Variants in ARHGAP8 observed in about 807,000 individuals in gnomAD.
The protein encoded by ARHGAP8 is rho GTPase-activating protein 8.
A neutral mutation model predicts 46.1 loss-of-function variants in ARHGAP8; 62 were observed. The ratio of observed to expected loss-of-function variants is 1.34; its 90% CI spans 1.10 to 1.66. The LOEUF (loss-of-function observed/expected upper bound fraction) is 1.66. Ranked by LOEUF, ARHGAP8 falls within the 40% of genes most tolerant of loss-of-function variation. The probability of loss-of-function intolerance (pLI) is 0.00; values close to 1 mark genes in which losing one functional copy is unlikely to be tolerated. For missense variants in ARHGAP8, 923 were observed against 568.4 expected, an observed-to-expected ratio of 1.62 and a Z score of -6.34; for synonymous variants, 375 against 243.1, an observed-to-expected ratio of 1.54 and a Z score of -5.05.
intron 1 of ARHGAP8, among the ~76,000 whole-genome samples, chr22:44,764,992 G>A (rs1031657967): frequency 6.6e-6 from 1 of 152,190 alleles, no homozygotes; most frequent in African/African-American, 2.4e-5. Context: ...TCCCATCAGT[G>A]GTTTTTGAGG....
chr22:44,846,511 AT>A (rs1023560510), intron 8 of ARHGAP8, among the ~76,000 whole-genome samples: 8 of 152,134 alleles, frequency 5.3e-5, no homozygotes, highest in Admixed American at 1.3e-4. Flanking sequence ...CGGCCCCAGC[AT>A]TTCCCTCAGT....
At chr22:44,810,236 CTTTTTTTTTTT>C (rs58029838) in intron 4 of ARHGAP8, among the ~76,000 whole-genome samples, 1 of 98,870 alleles carries the variant, frequency 1.0e-5, no homozygotes, top group South Asian at 3.8e-4. Context: ...ATATGGCAGC[CTTTTTTTTTTT>C]TTTTTTTTTT....
intron 2 of ARHGAP8, chr22:44,801,766 C>G (rs980236711): frequency 2.3e-5 from 8 of 340,868 alleles, no homozygotes; most frequent in Non-Finnish European, 4.3e-5. Flanking sequence ...AGATGCGTCT[C>G]GATTTAAGTC....
intron 10 of ARHGAP8, among the ~76,000 whole-genome samples, chr22:44,858,232 G>A (rs2070293402): frequency 6.6e-6 from 1 of 152,240 alleles, no homozygotes; most frequent in Admixed American, 6.5e-5. Context: ...AAGGCTCAGT[G>A]GGAGGGTGAT....
At chr22:44,860,890 A>C (rs761470037) in intron 11 of ARHGAP8, among the ~76,000 whole-genome samples, 12 of 152,176 alleles carry the variant, frequency 7.9e-5, no homozygotes, top group Admixed American at 2.0e-4. Flanking sequence ...TGAGCAGAGT[A>C]GGCGTCACAT....
intron 10 of ARHGAP8, among the ~76,000 whole-genome samples, chr22:44,858,036 C>T (rs1027081214): frequency 4.6e-5 from 7 of 152,232 alleles, no homozygotes; most frequent in Non-Finnish European, 4.4e-5. Flanking sequence ...AAATGGCAGC[C>T]ACCTGGCTCG....
At chr22:44,858,859 G>A (rs966192625) in intron 10 of ARHGAP8, among the ~76,000 whole-genome samples, 35 of 151,556 alleles carry the variant, frequency 2.3e-4, no homozygotes, top group African/African-American at 8.0e-4. Context: ...TTCGTCTAGA[G>A]CAGGGTTGCA....
Position 44,859,780 on chromosome 22 carries a change from C to T in ARHGAP8, c.927C>T (p.Ser309=), listed in dbSNP as rs770694026. 22 of 1,614,120 alleles carry T rather than the reference C, an allele frequency of 1.4e-5. No homozygotes were observed. Among genetic ancestry groups the T allele is most frequent in the East Asian group, 2.2e-5 (1 of 44,880 alleles). The part of the protein sequence containing the change: ...RVTGCRQILR[S]LPEHNYVVLR... The stretch of plus-strand genomic sequence containing the variant: ...CTGGCTGCCGCCAGATCTTACGGAG[C>T]CTCCCAGAGCACAACTACGTCGTCC... The change falls in exon 11 of 12, where the codon AGC becomes AGT. Residue 309 remains serine, a synonymous_variant. Coordinates refer to ENST00000356099, the MANE Select transcript of ARHGAP8 (RefSeq NM_181335.3).
intron 1 of ARHGAP8, among the ~76,000 whole-genome samples, chr22:44,777,995 CTATTTTATT>C (rs2147028554): frequency 6.8e-6 from 1 of 146,508 alleles, no homozygotes; most frequent in South Asian, 2.3e-4. Context: ...TGTGCCTGGA[CTATTTTATT>C]TATTTATTTA....
At chr22:44,850,591 T>C (rs12627790) in intron 10 of ARHGAP8, 7,205 of 152,200 alleles carry the variant, frequency 0.047, 428 homozygotes, top group East Asian at 0.32. Context: ...CCAGGCGAAC[T>C]TACTGTTTGT....
At chr22:44,773,885 A>G (rs1390556572) in intron 1 of ARHGAP8, among the ~76,000 whole-genome samples, 1 of 152,226 alleles carries the variant, frequency 6.6e-6, no homozygotes, top group Admixed American at 6.5e-5. Flanking sequence ...ACCCAGCAAA[A>G]TGTAGACTTA....
intron 11 of ARHGAP8, among the ~76,000 whole-genome samples, chr22:44,861,221 C>T (rs554410983): frequency 2.0e-5 from 3 of 152,164 alleles, no homozygotes; most frequent in African/African-American, 7.2e-5. Context: ...ATCCACCTGC[C>T]TCGGCCTCTT....
intron 2 of ARHGAP8, among the ~76,000 whole-genome samples, chr22:44,799,837 G>A (rs1263694780): frequency 6.6e-6 from 1 of 151,358 alleles, no homozygotes; most frequent in Non-Finnish European, 1.5e-5. Context: ...GGTGGGTGGT[G>A]ACATCAGACT....
At chr22:44,856,093 G>A (rs985318159) in intron 10 of ARHGAP8, among the ~76,000 whole-genome samples, 2 of 151,962 alleles carry the variant, frequency 1.3e-5, no homozygotes, top group South Asian at 4.2e-4. Context: ...CAAAGAGATG[G>A]TGCTAACCAT....
At chr22:44,801,612 C>T (rs1928556980) in intron 2 of ARHGAP8, among the ~76,000 whole-genome samples, 1 of 152,228 alleles carries the variant, frequency 6.6e-6, no homozygotes, top group South Asian at 2.1e-4. Context: ...ATCTGCATTC[C>T]TGAGAGGGCT....
chr22:44,862,135 G>T (rs952363628), intron 11 of ARHGAP8, 140 bp from the exon 12 acceptor site: 2 of 1,009,504 alleles, frequency 2.0e-6, no homozygotes, highest in African/African-American at 1.6e-5. Flanking sequence ...GGCTGCACAG[G>T]GTCCCCATTA....
intron 1 of ARHGAP8, chr22:44,765,104 C>T (rs1209866524): frequency 6.6e-6 from 1 of 152,338 alleles, no homozygotes; most frequent in Non-Finnish European, 1.5e-5. Context: ...TCTGGGCAGG[C>T]TCCTCAGCCC....
chr22:44,757,531 C>T (rs942960421), intron 1 of ARHGAP8, among the ~76,000 whole-genome samples: 10 of 152,308 alleles, frequency 6.6e-5, no homozygotes, highest in African/African-American at 1.9e-4. Context: ...CCCGCCTTGG[C>T]GTCCCAAAGT....
At position 44,776,423 on chromosome 22, in the gene ARHGAP8, G is replaced by T. The variant is rs899035359; in HGVS notation, c.-71-10034G>T. Reference sequence around the variant, plus strand: ...GCTGAGGTCGCGCCATTGCACTCCAGCCTGGACAATAAGAGTGAAACTCCG... The same window carrying T: ...GCTGAGGTCGCGCCATTGCACTCCATCCTGGACAATAAGAGTGAAACTCCG... On this transcript the variant is annotated intron_variant, in intron 1 of 11. Coordinates refer to ENST00000356099, the MANE Select transcript of ARHGAP8 (RefSeq NM_181335.3). 2.0e-5 allele frequency among the ~76,000 whole-genome samples: 3 copies of T among 150,322 alleles called. No individual in the cohort carries two copies. The Admixed American group carries it at 2.0e-4, about 10-fold the overall frequency.
Sources: allele counts gnomAD v4.1 joint callset (sites outside exome capture counted in the v4.1 genomes callset), GRCh38; gene constraint gnomAD v4.1.1; transcripts MANE v1.5; gene names NCBI Gene and HGNC (gene_info 2026-07-23, HGNC 2026-07-21).